The following TCF12 variants were observed in gnomAD, a reference collection of about 807,000 sequenced individuals.
TCF12 encodes transcription factor 12, also known as DNA-binding protein HTF4.
In TCF12, 45 loss-of-function variants were observed where a neutral mutation model predicts 86.0. That is an observed-to-expected ratio of 0.52 (90% CI 0.41 to 0.67). The LOEUF (loss-of-function observed/expected upper bound fraction) is 0.67, where lower values mean the gene tolerates loss of function less well. Among genes scored for constraint, TCF12 ranks in the 30% least tolerant of loss-of-function variants. The probability of loss-of-function intolerance (pLI) is 0.00; values close to 1 mark genes in which losing one functional copy is unlikely to be tolerated. For synonymous variants in TCF12, 330 were observed against 299.6 expected (o/e 1.10, Z -1.05); for missense variants, 881 against 859.9 (o/e 1.02, Z -0.31).
chr15:57,269,737 G>A (rs1442393106), intron 18 of TCF12, among the ~76,000 whole-genome samples: 2 of 152,104 alleles, frequency 1.3e-5, no homozygotes, highest in Non-Finnish European at 2.9e-5. Context: ...ATGAGCTCTT[G>A]TAAGGCAGGC....
At chr15:56,920,882 C>A in intron 2 of TCF12, 144 bp from the exon 3 acceptor site, 1 of 538,496 alleles carries the variant, frequency 1.9e-6, no homozygotes, top group Non-Finnish European at 3.2e-6. Flanking sequence ...GTGTATTTGC[C>A]TCTCTGGATC....
At position 57,136,743 on chromosome 15, in the gene TCF12, A is replaced by T. The variant is rs79037725; in HGVS notation, c.326-29659A>T. On this transcript the variant is annotated intron_variant, in intron 5 of 20. Coordinates refer to ENST00000333725, the MANE Select transcript of TCF12 (RefSeq NM_207037.2). ...CAGGCTGGAGTGCAGTGTTGCTATC[A>T]TGCCTTATGGCAGCCTCTACATCCC... Among the ~76,000 whole-genome samples the T allele has an allele frequency of 5.8e-3, 833 of 143,334 alleles. 16 individuals are homozygous for T. Among genetic ancestry groups the T allele is most frequent in the African/African-American group, 0.02 (780 of 38,676 alleles). 94.0% of individuals were successfully genotyped at this position (143,334 alleles called of 152,430 possible). A position where few individuals can be genotyped will look rare whatever the true frequency, so the allele number is the denominator to read the frequency against.
At chr15:57,266,085 TATTA>T (rs747460135) in intron 18 of TCF12, among the ~76,000 whole-genome samples, 8,390 of 145,808 alleles carry the variant, frequency 0.058, 387 homozygotes, top group African/African-American at 0.12. Context: ...TTTTTGTTTT[TATTA>T]TTTATTTATT....
chr15:57,143,160 C>G (rs2703601), intron 5 of TCF12, among the ~76,000 whole-genome samples: 14,536 of 124,436 alleles, frequency 0.12, 1,890 homozygotes, highest in African/African-American at 0.34. Context: ...CCCCCCCCCA[C>G]CAAAAAAAAA....
Position 57,247,618 on chromosome 15 carries a change from G to T in TCF12, c.1115-3732G>T. 2 of 805,184 alleles carry T rather than the reference G, an allele frequency of 2.5e-6. 1 individual carries two copies. The highest frequency in any genetic ancestry group is 2.7e-5 in the South Asian group (2 of 75,052). The allele number at this position is 805,184 out of a possible 1,614,324, so 49.9% of individuals were successfully genotyped here. A position where few individuals can be genotyped will look rare whatever the true frequency, so the allele number is the denominator to read the frequency against. On this transcript the variant is annotated intron_variant, in intron 13 of 20. Transcript: ENST00000333725. Reference sequence around the variant, plus strand: ...CAATCTTGCCATACTTTTCAAAGTAGTCTCTTAAATTATATTCTTCTGTTT... The same window carrying T: ...CAATCTTGCCATACTTTTCAAAGTATTCTCTTAAATTATATTCTTCTGTTT...
At chr15:57,232,194 A>C in intron 9 of TCF12, 97 bp from the exon 10 acceptor site, 1 of 1,406,670 alleles carries the variant, frequency 7.1e-7, no homozygotes, top group Non-Finnish European at 9.9e-7. Context: ...AGGGAGGAAA[A>C]ATATCTGGAG....
intron 8 of TCF12, chr15:57,219,644 A>G: frequency 1.3e-6 from 2 of 1,531,546 alleles, no homozygotes; most frequent in Non-Finnish European, 1.8e-6. Context: ...GGAAAGCAGT[A>G]TACATTACTC....
rs1185026935 is a variant in TCF12 at position 57,170,795 on chromosome 15, TATATATATAA to T, written c.390+4330_390+4339del. On this transcript the variant is annotated intron_variant, in intron 6 of 20. Transcript: ENST00000333725. ...TTATATATAATATATATATATAATA[TATATATATAA>T]TTTTTTTTTTTTTTTTTTTAGAGAT... Among the ~76,000 whole-genome samples, 60 of 34,948 alleles carry T rather than the reference TATATATATAA, an allele frequency of 1.7e-3. 3 individuals are homozygous for T. The highest frequency in any genetic ancestry group is 3.5e-3 in the African/African-American group (28 of 7,970). 22.9% of individuals were successfully genotyped at this position (34,948 alleles called of 152,430 possible).
intron 3 of TCF12, among the ~76,000 whole-genome samples, chr15:56,986,147 G>T (rs1040337906): frequency 6.6e-6 from 1 of 152,120 alleles, no homozygotes; most frequent in Admixed American, 6.5e-5. Context: ...GTTTTAAAAA[G>T]ACATAGCATG....
intron 6 of TCF12, among the ~76,000 whole-genome samples, chr15:57,183,606 C>A (rs2056491182): frequency 6.6e-6 from 1 of 151,990 alleles, no homozygotes; most frequent in Admixed American, 6.6e-5. Flanking sequence ...AGGTTTATGC[C>A]CAGGAAACAG....
chr15:57,187,054 A>G (rs1332255283), intron 6 of TCF12, among the ~76,000 whole-genome samples: 2 of 152,022 alleles, frequency 1.3e-5, no homozygotes, highest in African/African-American at 2.4e-5. Flanking sequence ...GGTGGCACAC[A>G]TCTGTAATCC....
chr15:57,125,791 C>T (rs1409286231), intron 5 of TCF12, among the ~76,000 whole-genome samples: 3 of 152,146 alleles, frequency 2.0e-5, no homozygotes, highest in African/African-American at 7.2e-5. Context: ...GGCATACACT[C>T]TTGTAAATAG....
At chr15:57,120,330 G>A (rs2051139459) in intron 5 of TCF12, among the ~76,000 whole-genome samples, 1 of 152,284 alleles carries the variant, frequency 6.6e-6, no homozygotes, top group African/African-American at 2.4e-5. Context: ...TTTGCTGTTT[G>A]TGTACACTTG....
At chr15:57,244,641 TG>T (rs1566975980) in intron 13 of TCF12, among the ~76,000 whole-genome samples, 1 of 151,948 alleles carries the variant, frequency 6.6e-6, no homozygotes, top group Non-Finnish European at 1.5e-5. Flanking sequence ...TGTATTTTTT[TG>T]TAGAGATGGA....
chr15:57,200,631 G>A (rs541113445), intron 8 of TCF12, among the ~76,000 whole-genome samples: 2 of 152,186 alleles, frequency 1.3e-5, no homozygotes, highest in South Asian at 2.1e-4. Flanking sequence ...ACTAAGTATC[G>A]CTGATACTGA....
intron 3 of TCF12, among the ~76,000 whole-genome samples, chr15:57,047,459 T>C (rs1414562473): frequency 1.3e-5 from 2 of 152,180 alleles, no homozygotes; most frequent in Non-Finnish European, 2.9e-5. Flanking sequence ...TATTCAACAA[T>C]AATAATTTGA....
At chr15:57,233,136 GTA>G (rs764161535) in intron 11 of TCF12, among the ~76,000 whole-genome samples, 1 of 149,328 alleles carries the variant, frequency 6.7e-6, no homozygotes, top group Non-Finnish European at 1.5e-5. Context: ...ATGTATATAT[GTA>G]TATATATGTG....
intron 3 of TCF12, among the ~76,000 whole-genome samples, chr15:56,963,359 A>G (rs2061860418): frequency 6.6e-6 from 1 of 152,186 alleles, no homozygotes; most frequent in African/African-American, 2.4e-5. Flanking sequence ...TTATTAGCAG[A>G]TACGTTCTTT....
intron 4 of TCF12, among the ~76,000 whole-genome samples, chr15:57,087,933 T>C (rs1409876100): frequency 1.3e-5 from 2 of 152,182 alleles, no homozygotes; most frequent in Non-Finnish European, 2.9e-5. Flanking sequence ...TTAGTTGCTA[T>C]TAACAGAATT....
Sources: allele counts gnomAD v4.1 joint callset (sites outside exome capture counted in the v4.1 genomes callset), GRCh38; gene constraint gnomAD v4.1.1; transcripts MANE v1.5; gene names NCBI Gene and HGNC (gene_info 2026-07-23, HGNC 2026-07-21).